The following SLC22A16 variants were observed in gnomAD, a reference collection of about 807,000 sequenced individuals.
The protein encoded by SLC22A16 is solute carrier family 22 member 16.
In SLC22A16, 53 loss-of-function variants were observed where a neutral mutation model predicts 52.9. The observed-to-expected ratio is 1.00, with a 90% CI of 0.80 to 1.26. The LOEUF (loss-of-function observed/expected upper bound fraction) is 1.26, where lower values mean the gene tolerates loss of function less well. Ranked by LOEUF, SLC22A16 falls within the 50% of genes most tolerant of loss-of-function variation. The pLI, the probability that SLC22A16 is intolerant of heterozygous loss-of-function variation, is 0.00. For missense variants in SLC22A16, 726 were observed against 704.0 expected, an observed-to-expected ratio of 1.03 and a Z score of -0.35; for synonymous variants, 291 against 268.8, an observed-to-expected ratio of 1.08 and a Z score of -0.81.
At chr6:110,463,515 A>T (rs957408180) in intron 1 of SLC22A16, among the ~76,000 whole-genome samples, 2 of 3,234 alleles carry the variant, frequency 6.2e-4, no homozygotes, top group Non-Finnish European at 8.1e-4. Flanking sequence ...TAACAACAGT[A>T]AAAAAAAAAA....
chr6:110,424,972 C>G lies in SLC22A16; in HGVS notation c.1635G>C (p.Glu545Asp), dbSNP rs1200196729. The G allele has an allele frequency of 6.2e-7, 1 of 1,614,048 alleles. No individual in the cohort carries two copies. The highest frequency in any genetic ancestry group is 8.5e-7 in the Non-Finnish European group (1 of 1,180,030). The change falls in exon 8 of 8, where the codon GAG (glutamate) becomes GAC (aspartate). Residue 545 changes from glutamate (E) to aspartate (D), a missense_variant. By Grantham distance (45) the Glu-to-Asp change is conservative (BLOSUM62 2). Transcript: ENST00000368919. ...TWEEAAKLESENESKSSKLLL... is the reference protein window; with the variant it reads ...TWEEAAKLESDNESKSSKLLL... ...GTAATTTGCTTGACTTGCTTTCATT[C>G]TCTGACTCCAGTTTTGCAGCCTCCT...
intron 1 of SLC22A16, chr6:110,474,819 C>A: frequency 2.2e-6 from 1 of 451,274 alleles, no homozygotes; most frequent in South Asian, 1.7e-5. Context: ...GAGGCATAAA[C>A]TTCCATTTGA....
intron 2 of SLC22A16, among the ~76,000 whole-genome samples, chr6:110,452,152 T>G (rs1032421123): frequency 6.6e-5 from 10 of 152,228 alleles, no homozygotes; most frequent in African/African-American, 2.4e-4. Flanking sequence ...AATGATTTGA[T>G]TCTTCAAGTT....
chr6:110,447,135 A>T, intron 2 of SLC22A16, 145 bp from the exon 3 acceptor site: 1 of 680,032 alleles, frequency 1.5e-6, no homozygotes, highest in Non-Finnish European at 2.4e-6. Context: ...TATTTTGAGC[A>T]AACCATAAGT....
rs996283122 is a variant in SLC22A16, at chr6:110,443,958, A to G, written c.652-1183T>C. 5.9e-5 allele frequency among the ~76,000 whole-genome samples: 9 copies of G among 152,294 alleles called. No homozygotes were observed. In the East Asian group the frequency reaches 1.5e-3, roughly 26 times the overall value. On this transcript the variant is annotated intron_variant, in intron 3 of 7. Coordinates refer to ENST00000368919, the MANE Select transcript of SLC22A16 (RefSeq NM_033125.4). ...TGTAGAATGGTGGTTGTCAGGGGCT[A>G]GGGAGACAGGGAACAGAGAGTTATT...
At position 110,457,029 on chromosome 6, in the gene SLC22A16, G is replaced by A. The variant is rs1388170805; in HGVS notation, c.54-12C>T. ...GGACTCTCTGGAATCTGCAAGAGAA[G>A]AAAAGCTAATTATTATATCTGGTCT... is the stretch of plus-strand genomic sequence containing the variant. On this transcript the variant is annotated splice_polypyrimidine_tract_variant and intron_variant, in intron 1 of 7. Transcript: ENST00000368919. 6.0e-6 allele frequency: 9 copies of A among 1,504,756 alleles called. No homozygotes were observed. Among genetic ancestry groups the A allele is most frequent in the East Asian group, 4.6e-5 (2 of 43,042 alleles). The allele number at this position is 1,504,756 out of a possible 1,614,324, so 93.2% of individuals were successfully genotyped here. A position where few individuals can be genotyped will look rare whatever the true frequency, so the allele number is the denominator to read the frequency against.
chr6:110,434,814 C>T (rs1047420555), intron 6 of SLC22A16, among the ~76,000 whole-genome samples: 1 of 152,108 alleles, frequency 6.6e-6, no homozygotes, highest in African/African-American at 2.4e-5. Flanking sequence ...CCCGTCTCTA[C>T]TAAAAATACA....
chr6:110,472,191 G>T (rs1444817610), intron 1 of SLC22A16, among the ~76,000 whole-genome samples: 1 of 152,246 alleles, frequency 6.6e-6, no homozygotes, highest in East Asian at 1.9e-4. Context: ...CATGGGACAT[G>T]GGGTGGGCTA....
At chr6:110,476,494 G>C in intron 1 of SLC22A16, 28 bp downstream of exon 1, 1 of 472,156 alleles carries the variant, frequency 2.1e-6, no homozygotes, top group East Asian at 4.6e-5. Flanking sequence ...CGCCTCCCGC[G>C]TGGCGCCGCG....
chr6:110,472,102 G>A (rs576874045), intron 1 of SLC22A16, among the ~76,000 whole-genome samples: 172 of 152,296 alleles, frequency 1.1e-3, no homozygotes, highest in Non-Finnish European at 1.9e-3. Context: ...AACTGAGCTC[G>A]ATATCTAGGC....
chr6:110,476,580 G>T lies in SLC22A16; in HGVS notation c.-6C>A. 6.5e-7 allele frequency: 1 copy of T among 1,529,026 alleles called. No homozygotes were observed. Among genetic ancestry groups the T allele is most frequent in the South Asian group, 1.2e-5 (1 of 81,978 alleles). The allele number at this position is 1,529,026 out of a possible 1,614,324, so 94.7% of individuals were successfully genotyped here. A position where few individuals can be genotyped will look rare whatever the true frequency, so the allele number is the denominator to read the frequency against. ...TCGAAGTGGCGGGACCCCATGGTGC[G>T]GCCGTGCACTGGGCGCCGAGTTAGC... On this transcript the variant is annotated 5_prime_UTR_variant, in exon 1 of 8. Coordinates refer to ENST00000368919, the MANE Select transcript of SLC22A16 (RefSeq NM_033125.4).
intron 3 of SLC22A16, among the ~76,000 whole-genome samples, chr6:110,443,813 T>G (rs1456084357): frequency 6.6e-6 from 1 of 151,974 alleles, no homozygotes; most frequent in Non-Finnish European, 1.5e-5. Flanking sequence ...ATAAGAAAAA[T>G]GTAGTCTATG....
Position 110,458,789 on chromosome 6 carries a change from C to T in SLC22A16, c.54-1772G>A, listed in dbSNP as rs540539540. 5.3e-5 allele frequency among the ~76,000 whole-genome samples: 8 copies of T among 152,312 alleles called. No homozygotes were observed. In the South Asian group the frequency reaches 1.4e-3, roughly 28 times the overall value. On this transcript the variant is annotated intron_variant, in intron 1 of 7. Transcript: ENST00000368919. ...AATTTATTCTCTGCATGAGCTGGGA[C>T]ATCCATATTCTCTGGTTCTCAAATA...
chr6:110,442,062 T>C (rs1774987460), intron 4 of SLC22A16, among the ~76,000 whole-genome samples, 182 bp downstream of exon 4: 1 of 152,234 alleles, frequency 6.6e-6, no homozygotes, highest in Non-Finnish European at 1.5e-5. Flanking sequence ...CCCTCATATG[T>C]ACATGTGTTA....
chr6:110,470,775 G>A (rs910100068), intron 1 of SLC22A16, among the ~76,000 whole-genome samples: 5 of 152,100 alleles, frequency 3.3e-5, no homozygotes, highest in Non-Finnish European at 5.9e-5. Flanking sequence ...CTTAGCAATC[G>A]TGATTCAGGA....
In SLC22A16 at chr6:110,435,933, G is replaced by C. The variant is rs767704204; in HGVS notation, c.1340C>G (p.Ala447Gly). 25 of 1,613,800 alleles carry C rather than the reference G, an allele frequency of 1.5e-5. No homozygotes were observed. The South Asian group carries it at 2.5e-4, about 16-fold the overall frequency. ...CCCGATGGCAAATTTTCCAACCATA[G>C]CTGTCACCACACCCAAAATATAATG... ...QKHYILGVVTAMVGKFAIGAA... is the reference protein window; with the variant it reads ...QKHYILGVVTGMVGKFAIGAA... Residue 447 changes from alanine (A) to glycine (G), a missense_variant, in exon 6 of 8, where the codon GCT (alanine) becomes GGT (glycine). Coordinates refer to ENST00000368919, the MANE Select transcript of SLC22A16 (RefSeq NM_033125.4).
chr6:110,434,626 C>A (rs971384019), intron 6 of SLC22A16, among the ~76,000 whole-genome samples: 1 of 1,682 alleles, frequency 5.9e-4, no homozygotes, highest in African/African-American at 2.4e-3. Flanking sequence ...CAAAGGGTGT[C>A]GGGGGGGCGG....
At position 110,425,271 on chromosome 6, in the gene SLC22A16, G is replaced by A. The variant is rs1276938688; in HGVS notation, c.1522-186C>T. On this transcript the variant is annotated intron_variant, in intron 7 of 7. Coordinates refer to ENST00000368919, the MANE Select transcript of SLC22A16 (RefSeq NM_033125.4). ...ACTTCGAGTTCTTTTCCTCATCAACGAGGTTTAATCTCATCACTCACTCAT... is the reference window on the plus strand; with the variant it reads ...ACTTCGAGTTCTTTTCCTCATCAACAAGGTTTAATCTCATCACTCACTCAT... 14 of 1,509,456 alleles carry A rather than the reference G, an allele frequency of 9.3e-6. 1 individual carries two copies. In the African/African-American group the frequency reaches 9.8e-5, roughly 11 times the overall value. The allele number at this position is 1,509,456 out of a possible 1,614,324, so 93.5% of individuals were successfully genotyped here. A position where few individuals can be genotyped will look rare whatever the true frequency, so the allele number is the denominator to read the frequency against.
chr6:110,449,608 C>T (rs1283617794), intron 2 of SLC22A16, among the ~76,000 whole-genome samples: 1 of 152,160 alleles, frequency 6.6e-6, no homozygotes, highest in African/African-American at 2.4e-5. Flanking sequence ...TAAAACTGCT[C>T]TCTCCCTGGT....
Sources: allele counts gnomAD v4.1 joint callset (sites outside exome capture counted in the v4.1 genomes callset), GRCh38; gene constraint gnomAD v4.1.1; transcripts MANE v1.5; gene names NCBI Gene and HGNC (gene_info 2026-07-23, HGNC 2026-07-21).